The following MKLN1 variants were observed in gnomAD, a reference collection of about 807,000 sequenced individuals.
MKLN1 encodes muskelin.
MKLN1 carries 18 observed loss-of-function variants against 99.0 expected under a neutral mutation model. The observed-to-expected ratio is 0.18, with a 90% CI of 0.13 to 0.27. The LOEUF is 0.27. Ranked by LOEUF, MKLN1 falls within the 10% of genes least tolerant of loss-of-function variation. The pLI, the probability that MKLN1 is intolerant of heterozygous loss-of-function variation, is 1.00. For missense variants in MKLN1, 621 were observed against 875.9 expected, an observed-to-expected ratio of 0.71 and a Z score of 3.67; for synonymous variants, 288 against 293.2, an observed-to-expected ratio of 0.98 and a Z score of 0.18.
intron 15 of MKLN1, among the ~76,000 whole-genome samples, chr7:131,469,839 T>C (rs1189702933): frequency 6.6e-6 from 1 of 151,514 alleles, no homozygotes; most frequent in South Asian, 2.1e-4. Flanking sequence ...TGTTGTTGTT[T>C]AGGAGAACTC....
At chr7:131,285,122 A>C (rs1449160149) in intron 3 of MKLN1, 1 of 152,266 alleles carries the variant, frequency 6.6e-6, no homozygotes, top group Non-Finnish European at 1.5e-5. Flanking sequence ...CCAGTCTTTC[A>C]TTCTCTCCTG....
intron 3 of MKLN1, among the ~76,000 whole-genome samples, chr7:131,219,408 C>T (rs1402709131): frequency 6.6e-6 from 1 of 152,136 alleles, no homozygotes; most frequent in African/African-American, 2.4e-5. Context: ...GCCAATTCAG[C>T]AAACAAAGGC....
chr7:131,364,731 T>C (rs995757064), intron 1 of MKLN1, among the ~76,000 whole-genome samples: 6 of 152,074 alleles, frequency 3.9e-5, no homozygotes, highest in African/African-American at 1.4e-4. Flanking sequence ...CATACGGTAG[T>C]TGTGCTGAGG....
At chr7:131,329,374 T>A (rs1416643659) in intron 1 of MKLN1, among the ~76,000 whole-genome samples, 1 of 152,210 alleles carries the variant, frequency 6.6e-6, no homozygotes, top group African/African-American at 2.4e-5. Context: ...TATCCCTGAT[T>A]GATGCTGAAA....
At chr7:131,430,633 A>T (rs557552334) in intron 9 of MKLN1, among the ~76,000 whole-genome samples, 1 of 152,336 alleles carries the variant, frequency 6.6e-6, no homozygotes, top group East Asian at 1.9e-4. Flanking sequence ...GGCATGATCC[A>T]ACAGGTCATC....
At chr7:131,367,532 C>T (rs1340119589) in intron 1 of MKLN1, among the ~76,000 whole-genome samples, 1 of 152,084 alleles carries the variant, frequency 6.6e-6, no homozygotes, top group East Asian at 1.9e-4. Context: ...AGATCAGTGA[C>T]TCCTGGCAAG....
At chr7:131,311,486 T>TA (rs1424966790) in intron 3 of MKLN1, among the ~76,000 whole-genome samples, 1 of 152,174 alleles carries the variant, frequency 6.6e-6, no homozygotes, top group African/African-American at 2.4e-5. Flanking sequence ...CAAAGAAAGT[T>TA]AAACACCATT....
intron 12 of MKLN1, among the ~76,000 whole-genome samples, chr7:131,449,598 A>G (rs1285626532): frequency 6.6e-6 from 1 of 152,196 alleles, no homozygotes; most frequent in East Asian, 1.9e-4. Flanking sequence ...GAGGAACCTC[A>G]GTGACTCTGT....
At chr7:131,112,000 G>A (rs968191595) in intron 1 of MKLN1, among the ~76,000 whole-genome samples, 2 of 152,146 alleles carry the variant, frequency 1.3e-5, no homozygotes, top group Admixed American at 1.3e-4. Flanking sequence ...TATGTCCCTG[G>A]ACAAGACAAC....
chr7:131,438,174 C>T (rs1795728257), intron 10 of MKLN1, among the ~76,000 whole-genome samples, 177 bp downstream of exon 10: 1 of 151,716 alleles, frequency 6.6e-6, no homozygotes, highest in South Asian at 2.1e-4. Flanking sequence ...ATTTTTTTCT[C>T]TTGTTTGTTG....
At chr7:131,231,942 C>T (rs1006396329) in intron 3 of MKLN1, among the ~76,000 whole-genome samples, 26 of 152,220 alleles carry the variant, frequency 1.7e-4, no homozygotes, top group Non-Finnish European at 5.9e-5. Flanking sequence ...AATATTATTA[C>T]AATATTTTCT....
chr7:131,444,497 G>A (rs1476082902), intron 11 of MKLN1, among the ~76,000 whole-genome samples: 1 of 151,862 alleles, frequency 6.6e-6, no homozygotes, highest in African/African-American at 2.4e-5. Context: ...TTTTGTAAGA[G>A]AAAAATTAAA....
chr7:131,290,281 G>C (rs4728217), intron 3 of MKLN1, among the ~76,000 whole-genome samples: 26,140 of 152,228 alleles, frequency 0.17, 2,352 homozygotes, highest in East Asian at 0.24. Flanking sequence ...CTCCAAGCCT[G>C]GGCAACAAGA....
At chr7:131,394,122 A>G (rs1374482212) in intron 4 of MKLN1, among the ~76,000 whole-genome samples, 1 of 152,078 alleles carries the variant, frequency 6.6e-6, no homozygotes, top group Non-Finnish European at 1.5e-5. Flanking sequence ...AGAAACACTA[A>G]AACAATAAAG....
At chr7:131,351,123 C>T (rs1799707714) in intron 1 of MKLN1, among the ~76,000 whole-genome samples, 1 of 151,972 alleles carries the variant, frequency 6.6e-6, no homozygotes, top group Non-Finnish European at 1.5e-5. Flanking sequence ...TGGTGTGCAC[C>T]TGTAGTCCCA....
At chr7:131,164,637 A>G (rs2116320711) in intron 2 of MKLN1, among the ~76,000 whole-genome samples, 1 of 152,378 alleles carries the variant, frequency 6.6e-6, no homozygotes, top group East Asian at 1.9e-4. Context: ...ACTTTGGCTT[A>G]AATAGCTACA....
At chr7:131,262,157 T>C (rs777312925) in intron 3 of MKLN1, among the ~76,000 whole-genome samples, 1 of 152,144 alleles carries the variant, frequency 6.6e-6, no homozygotes, top group Non-Finnish European at 1.5e-5. Context: ...ATAACTCGGC[T>C]GGGCACAGTG....
intron 9 of MKLN1, among the ~76,000 whole-genome samples, chr7:131,436,405 C>T (rs1480347302): frequency 6.6e-6 from 1 of 152,164 alleles, no homozygotes; most frequent in East Asian, 1.9e-4. Flanking sequence ...TCTGTTATTT[C>T]TGCAGGAAGA....
chr7:131,408,351 T>C (rs1794770567), intron 6 of MKLN1, among the ~76,000 whole-genome samples: 1 of 152,210 alleles, frequency 6.6e-6, no homozygotes, highest in Non-Finnish European at 1.5e-5. Flanking sequence ...TAATCATTCT[T>C]GAATGGTCAA....
Sources: gnomAD v4.1 joint callset for allele counts (sites outside exome capture counted in the v4.1 genomes callset) on GRCh38, gnomAD v4.1.1 for gene constraint, MANE v1.5 for transcripts, NCBI Gene and HGNC (gene_info 2026-07-23, HGNC 2026-07-21) for gene names.